Variants in MOCOS observed in about 807,000 individuals in gnomAD.
The protein encoded by MOCOS is molybdenum cofactor sulfurase, also known as human molybdenum cofactor sulfurase.
Under a neutral mutation model 83.6 loss-of-function variants are expected in MOCOS, and 86 were observed. That is an observed-to-expected ratio of 1.03 (90% CI 0.86 to 1.23). The LOEUF (loss-of-function observed/expected upper bound fraction) is 1.23, where lower values mean the gene tolerates loss of function less well. Among genes scored for constraint, MOCOS ranks in the 50% most tolerant of loss-of-function variants. The probability of loss-of-function intolerance (pLI) is 0.00; values close to 1 mark genes in which losing one functional copy is unlikely to be tolerated. For missense variants in MOCOS, 1,120 were observed against 1,126.9 expected, an observed-to-expected ratio of 0.99 and a Z score of 0.09; for synonymous variants, 445 against 434.7, an observed-to-expected ratio of 1.02 and a Z score of -0.29.
chr18:36,263,056 C>A (rs1170590511), intron 13 of MOCOS, among the ~76,000 whole-genome samples: 3 of 152,142 alleles, frequency 2.0e-5, no homozygotes, highest in Non-Finnish European at 2.9e-5. Context: ...CTGCAGTGAG[C>A]TATGATGAAG....
At chr18:36,206,109 A>G (rs973952681) in intron 6 of MOCOS, among the ~76,000 whole-genome samples, 26 of 152,096 alleles carry the variant, frequency 1.7e-4, no homozygotes, top group African/African-American at 6.3e-4. Context: ...AAGATTGGGC[A>G]TTGGTGAACA....
intron 9 of MOCOS, among the ~76,000 whole-genome samples, chr18:36,242,090 C>A (rs1283220320): frequency 6.6e-6 from 1 of 152,222 alleles, no homozygotes; most frequent in African/African-American, 2.4e-5. Context: ...ACATTTGGCT[C>A]CTGGTTACTT....
intron 1 of MOCOS, among the ~76,000 whole-genome samples, chr18:36,187,899 GTGGGCAGGACC>G (rs1292858149): frequency 1.3e-5 from 2 of 152,228 alleles, no homozygotes; most frequent in African/African-American, 4.8e-5. Context: ...CGACTTTCCG[GTGGGCAGGACC>G]AACCTAGCCG....
chr18:36,199,651 C>T (rs200806198), intron 3 of MOCOS, 32 bp from the exon 4 acceptor site: 18 of 1,611,972 alleles, frequency 1.1e-5, no homozygotes, highest in South Asian at 5.5e-5. Flanking sequence ...GGCTGAGATC[C>T]GCGGGTTGCG....
intron 3 of MOCOS, among the ~76,000 whole-genome samples, chr18:36,199,039 G>T (rs2091401329): frequency 6.6e-6 from 1 of 152,172 alleles, no homozygotes. Flanking sequence ...GTGACAGGAA[G>T]TGACCCAGGA....
chr18:36,219,981 G>A (rs1462234778), intron 8 of MOCOS, 74 bp from the exon 9 acceptor site: 6 of 1,569,866 alleles, frequency 3.8e-6, no homozygotes, highest in African/African-American at 2.7e-5. Flanking sequence ...CTGTGTTTGT[G>A]TAGCCACTGT....
At chr18:36,235,787 C>A (rs1241142642) in intron 9 of MOCOS, among the ~76,000 whole-genome samples, 2 of 146,924 alleles carry the variant, frequency 1.4e-5, no homozygotes, top group Admixed American at 6.9e-5. Context: ...TCCTCTCCAG[C>A]ACCTGTTGTT....
At chr18:36,203,066 T>C in intron 4 of MOCOS, 47 bp from the exon 5 acceptor site, 1 of 1,551,454 alleles carries the variant, frequency 6.4e-7, no homozygotes. Flanking sequence ...TGCACATGGA[T>C]TGTTTTGACC....
rs771076927 is a variant in MOCOS, at chr18:36,248,917, A to T, written c.1961-5A>T. 3.5e-5 allele frequency: 57 copies of T among 1,613,000 alleles called. No individual in the cohort carries two copies. The East Asian group carries it at 8.9e-4, about 25-fold the overall frequency. ...ATAAATTTGTTTTTAACCTTTGTTC[A>T]TTAGGGATGGAGCCTATAGAGGTGC... On this transcript the variant is annotated splice_region_variant and splice_polypyrimidine_tract_variant and intron_variant, in intron 9 of 14. Coordinates refer to ENST00000261326, the MANE Select transcript of MOCOS (RefSeq NM_017947.4).
chr18:36,230,943 T>A (rs1490798242), intron 9 of MOCOS, among the ~76,000 whole-genome samples: 16 of 152,232 alleles, frequency 1.1e-4, no homozygotes, highest in Admixed American at 1.0e-3. Flanking sequence ...TTAATTTTTG[T>A]CTTACTGCAT....
chr18:36,188,043 GC>G (rs1423526807), intron 1 of MOCOS, among the ~76,000 whole-genome samples: 1 of 152,202 alleles, frequency 6.6e-6, no homozygotes, highest in East Asian at 1.9e-4. Context: ...ATGTCCAGCG[GC>G]CGTGACCCTT....
At chr18:36,268,250 G>C (rs1047925107) in intron 14 of MOCOS, among the ~76,000 whole-genome samples, 1 of 152,188 alleles carries the variant, frequency 6.6e-6, no homozygotes, top group African/African-American at 2.4e-5. Flanking sequence ...AAGTCCTTCT[G>C]CAGGAAGTTC....
At chr18:36,233,525 T>C (rs1321277962) in intron 9 of MOCOS, among the ~76,000 whole-genome samples, 1 of 152,232 alleles carries the variant, frequency 6.6e-6, no homozygotes, top group Non-Finnish European at 1.5e-5. Flanking sequence ...TTTTATATAA[T>C]GACTTCTTTT....
At chr18:36,257,597 A>G (rs935080465) in intron 12 of MOCOS, among the ~76,000 whole-genome samples, 1 of 152,158 alleles carries the variant, frequency 6.6e-6, no homozygotes, top group Non-Finnish European at 1.5e-5. Context: ...CAAGGACCCT[A>G]ACAGCATTGG....
intron 12 of MOCOS, among the ~76,000 whole-genome samples, chr18:36,258,467 T>C (rs752327666): frequency 1.3e-5 from 2 of 152,170 alleles, no homozygotes; most frequent in African/African-American, 4.8e-5. Context: ...TTGTTGCAGA[T>C]GAGGAAATTG....
At chr18:36,233,787 G>C (rs2091547452) in intron 9 of MOCOS, among the ~76,000 whole-genome samples, 1 of 152,178 alleles carries the variant, frequency 6.6e-6, no homozygotes, top group South Asian at 2.1e-4. Context: ...CTGATAATTA[G>C]TAATGATGAG....
At chr18:36,202,974 A>G in intron 4 of MOCOS, 139 bp from the exon 5 acceptor site, 1 of 804,638 alleles carries the variant, frequency 1.2e-6, no homozygotes, top group Non-Finnish European at 2.2e-6. Context: ...TTACAATTAG[A>G]GATGAGATTT....
In MOCOS at chr18:36,233,949, G is replaced by A. The variant is rs115958688; in HGVS notation, c.1960+13732G>A. ...TCTGGATATTAGTCCTTCGTCAGAT[G>A]CGTGGTTTGCAAATATTCTCTCTCA... is the stretch of plus-strand genomic sequence containing the variant. On this transcript the variant is annotated intron_variant, in intron 9 of 14. Coordinates refer to ENST00000261326, the MANE Select transcript of MOCOS (RefSeq NM_017947.4). Among the ~76,000 whole-genome samples the A allele has an allele frequency of 6.6e-3, 1,003 of 152,272 alleles. 12 individuals are homozygous for A. Among genetic ancestry groups the A allele is most frequent in the African/African-American group, 0.022 (930 of 41,554 alleles).
intron 8 of MOCOS, among the ~76,000 whole-genome samples, 173 bp from the exon 9 acceptor site, chr18:36,219,882 C>T (rs1037798204): frequency 4.6e-5 from 7 of 152,170 alleles, no homozygotes; most frequent in Non-Finnish European, 1.0e-4. Flanking sequence ...GCTCCTACAT[C>T]ATCTTCTTTG....
Sources: allele counts gnomAD v4.1 joint callset (sites outside exome capture counted in the v4.1 genomes callset), GRCh38; gene constraint gnomAD v4.1.1; transcripts MANE v1.5; gene names NCBI Gene and HGNC (gene_info 2026-07-23, HGNC 2026-07-21).